COL21A1: variants seen among roughly 807,000 people sequenced by gnomAD.
COL21A1 encodes the protein collagen alpha-1(XXI) chain.
COL21A1 carries 149 observed loss-of-function variants against 137.9 expected under a neutral mutation model. That is an observed-to-expected ratio of 1.08 (90% confidence interval 0.95 to 1.24). COL21A1 has a LOEUF of 1.24. COL21A1 is among the 50% of genes most tolerant of loss of function. The pLI is 0.00. For missense variants in COL21A1, 1,167 were observed against 1,158.4 expected, an observed-to-expected ratio of 1.01 and a Z score of -0.11; for synonymous variants, 456 against 391.5, an observed-to-expected ratio of 1.16 and a Z score of -1.95.
chr6:56,327,744 A>G (rs1765129299), intron 1 of COL21A1, among the ~76,000 whole-genome samples: 1 of 151,932 alleles, frequency 6.6e-6, no homozygotes. Context: ...TCAGTTAGAT[A>G]CTCCTGGGCA....
At chr6:56,159,858 T>C (rs969338860) in intron 9 of COL21A1, among the ~76,000 whole-genome samples, 6 of 152,174 alleles carry the variant, frequency 3.9e-5, no homozygotes, top group African/African-American at 1.4e-4. Flanking sequence ...TTGTGCTTTT[T>C]ATGCTGCATA....
chr6:56,116,705 G>C (rs1277689435), intron 16 of COL21A1, among the ~76,000 whole-genome samples: 1 of 151,732 alleles, frequency 6.6e-6, no homozygotes, highest in Non-Finnish European at 1.5e-5. Context: ...TAAATAGAAA[G>C]ACTAAATAAT....
At chr6:56,149,508 A>G (rs1285475928) in intron 10 of COL21A1, among the ~76,000 whole-genome samples, 3 of 152,216 alleles carry the variant, frequency 2.0e-5, no homozygotes, top group Non-Finnish European at 1.5e-5. Context: ...ATACTTCACA[A>G]GAAGAGAACT....
intron 10 of COL21A1, among the ~76,000 whole-genome samples, chr6:56,154,845 G>T (rs1775617250): frequency 6.6e-6 from 1 of 152,038 alleles, no homozygotes; most frequent in Non-Finnish European, 1.5e-5. Context: ...TGCATTTCCA[G>T]GTGGCTACCA....
chr6:56,257,417 A>G (rs1291319968), intron 1 of COL21A1, among the ~76,000 whole-genome samples: 1 of 141,362 alleles, frequency 7.1e-6, no homozygotes, highest in Non-Finnish European at 1.6e-5. Flanking sequence ...TTAGGAAAAT[A>G]CCCAATAGAA....
intron 20 of COL21A1, among the ~76,000 whole-genome samples, chr6:56,073,387 C>T (rs1311036322): frequency 6.6e-6 from 1 of 151,294 alleles, no homozygotes; most frequent in Non-Finnish European, 1.5e-5. Flanking sequence ...TATTGGGCTC[C>T]CATGTCTTTT....
chr6:56,093,530 G>A (rs527515077), intron 17 of COL21A1, among the ~76,000 whole-genome samples: 11 of 151,996 alleles, frequency 7.2e-5, no homozygotes, highest in African/African-American at 9.7e-5. Flanking sequence ...AGAAAAGGTC[G>A]CTGACCCTCT....
chr6:56,313,753 A>G (rs558776210), intron 1 of COL21A1, among the ~76,000 whole-genome samples: 1 of 152,236 alleles, frequency 6.6e-6, no homozygotes, highest in South Asian at 2.1e-4. Context: ...TCAACATACA[A>G]CCATTAGGAA....
chr6:56,293,735 T>C (rs1002170389), intron 1 of COL21A1, among the ~76,000 whole-genome samples: 4 of 152,292 alleles, frequency 2.6e-5, no homozygotes, highest in East Asian at 1.9e-4. Flanking sequence ...AGAATTACTA[T>C]GAAAAATTTA....
chr6:56,299,427 G>A (rs866699033), intron 1 of COL21A1, among the ~76,000 whole-genome samples: 18 of 152,054 alleles, frequency 1.2e-4, no homozygotes, highest in African/African-American at 4.1e-4. Flanking sequence ...TGTGGTTCTT[G>A]GTAGTTAAAA....
At chr6:56,260,614 A>AAT (rs1178839862) in intron 1 of COL21A1, among the ~76,000 whole-genome samples, 1 of 133,864 alleles carries the variant, frequency 7.5e-6, no homozygotes, top group Non-Finnish European at 1.6e-5. Context: ...AAGAAGAAAG[A>AAT]AAGAGAGAGA....
chr6:56,304,668 C>G (rs1764393044), intron 1 of COL21A1, among the ~76,000 whole-genome samples: 1 of 152,032 alleles, frequency 6.6e-6, no homozygotes, highest in Non-Finnish European at 1.5e-5. Context: ...TGTTGTTGAT[C>G]TTTTCAAAAA....
At chr6:56,151,398 T>A (rs1414248922) in intron 10 of COL21A1, among the ~76,000 whole-genome samples, 3 of 152,210 alleles carry the variant, frequency 2.0e-5, no homozygotes, top group Admixed American at 6.5e-5. Context: ...GTAGCTGTAC[T>A]CCTCTGAATT....
intron 10 of COL21A1, among the ~76,000 whole-genome samples, chr6:56,156,307 T>C (rs1417885493): frequency 6.6e-6 from 1 of 152,242 alleles, no homozygotes; most frequent in Non-Finnish European, 1.5e-5. Flanking sequence ...CTCTTCAACT[T>C]GACTAAACTT....
intron 1 of COL21A1, among the ~76,000 whole-genome samples, chr6:56,273,833 G>A (rs1763582216): frequency 6.6e-6 from 1 of 152,030 alleles, no homozygotes; most frequent in Admixed American, 6.6e-5. Context: ...TCCAAAAAAG[G>A]AATTCTATTC....
chr6:56,133,132 C>T (rs552672202), intron 12 of COL21A1, among the ~76,000 whole-genome samples: 14 of 152,250 alleles, frequency 9.2e-5, no homozygotes, highest in African/African-American at 3.1e-4. Flanking sequence ...GTTTGGAGGG[C>T]TCAGAAGAAC....
intron 10 of COL21A1, among the ~76,000 whole-genome samples, chr6:56,149,725 G>A (rs1269455698): frequency 6.6e-6 from 1 of 151,984 alleles, no homozygotes; most frequent in African/African-American, 2.4e-5. Context: ...AGTCCTGTTA[G>A]CTCTAACTTC....
intron 1 of COL21A1, among the ~76,000 whole-genome samples, chr6:56,311,609 G>A (rs1764616823): frequency 6.6e-6 from 1 of 152,170 alleles, no homozygotes; most frequent in Admixed American, 6.5e-5. Flanking sequence ...TTATAGTTGT[G>A]TGTGTAAATA....
At chr6:56,168,805 G>T (rs902388354) in intron 5 of COL21A1, among the ~76,000 whole-genome samples, 1 of 151,658 alleles carries the variant, frequency 6.6e-6, no homozygotes, top group African/African-American at 2.4e-5. Flanking sequence ...GGTCTATTCT[G>T]GACATTTTTC....
Sources: gnomAD v4.1 joint callset for allele counts (sites outside exome capture counted in the v4.1 genomes callset) on GRCh38, gnomAD v4.1.1 for gene constraint, MANE v1.5 for transcripts, NCBI Gene and HGNC (gene_info 2026-07-23, HGNC 2026-07-21) for gene names.